KCNG4: variants seen among roughly 807,000 people sequenced by gnomAD.
The protein encoded by KCNG4 is potassium voltage-gated channel modifier subfamily G member 4.
KCNG4 carries 30 observed loss-of-function variants against 28.2 expected under a neutral mutation model. That is an observed-to-expected ratio of 1.06 (90% CI 0.80 to 1.44). The LOEUF (loss-of-function observed/expected upper bound fraction) is 1.44. Ranked by LOEUF, KCNG4 falls within the 40% of genes most tolerant of loss-of-function variation. KCNG4 has a pLI of 0.00. For missense variants in KCNG4, 879 were observed against 712.3 expected, an observed-to-expected ratio of 1.23 and a Z score of -2.66; for synonymous variants, 375 against 315.5, an observed-to-expected ratio of 1.19 and a Z score of -2.00.
At chr16:84,231,024 G>T (rs890694923) in intron 2 of KCNG4, among the ~76,000 whole-genome samples, 2 of 152,216 alleles carry the variant, frequency 1.3e-5, no homozygotes, top group Non-Finnish European at 2.9e-5. Context: ...CCCTGACTTG[G>T]CCATTGCTAT....
intron 2 of KCNG4, among the ~76,000 whole-genome samples, chr16:84,231,955 G>C (rs1251813585): frequency 5.7e-5 from 8 of 139,834 alleles, no homozygotes; most frequent in African/African-American, 1.6e-4. Context: ...AGTGAGCTGA[G>C]ATCACACCAC....
At chr16:84,233,839 G>C (rs1162481445) in intron 2 of KCNG4, among the ~76,000 whole-genome samples, 1 of 152,176 alleles carries the variant, frequency 6.6e-6, no homozygotes. Context: ...TGTAGTCATA[G>C]GGGGTCGGAT....
chr16:84,235,810 A>T (rs1398997296), intron 2 of KCNG4: 1 of 152,266 alleles, frequency 6.6e-6, no homozygotes, highest in Non-Finnish European at 1.5e-5. Flanking sequence ...GATGATGGGC[A>T]GCCCTGGGGG....
chr16:84,225,986 A>C (rs781570133), intron 2 of KCNG4, among the ~76,000 whole-genome samples: 7 of 152,242 alleles, frequency 4.6e-5, no homozygotes, highest in Admixed American at 1.3e-4. Flanking sequence ...AAAGAAAAAA[A>C]GGGGAAAGAA....
rs1397440826 is a variant in KCNG4 at position 84,230,496 on chromosome 16, C to CG, written c.756+6233dup. On this transcript the variant is annotated intron_variant, in intron 2 of 2. Coordinates refer to ENST00000308251, the MANE Select transcript of KCNG4 (RefSeq NM_172347.3). ...CTGAGGCAGGAGAATGGCGTGAACC[C>CG]GGGGGGCAGAGCTTACAGTGAGCCA... 2.0e-5 allele frequency among the ~76,000 whole-genome samples: 3 copies of CG among 151,892 alleles called. No homozygotes were observed. In the East Asian group the frequency reaches 5.8e-4, roughly 29 times the overall value.
At chr16:84,232,126 G>A (rs1904841718) in intron 2 of KCNG4, among the ~76,000 whole-genome samples, 1 of 152,134 alleles carries the variant, frequency 6.6e-6, no homozygotes, top group African/African-American at 2.4e-5. Flanking sequence ...TTGTTCCTTG[G>A]AGGTGGGGGT....
intron 2 of KCNG4, among the ~76,000 whole-genome samples, chr16:84,230,029 C>T (rs1036356816): frequency 6.6e-6 from 1 of 151,932 alleles, no homozygotes; most frequent in East Asian, 1.9e-4. Flanking sequence ...GGTGAGGAGG[C>T]AGGGAGGTGG....
chr16:84,237,459 GC>G lies in KCNG4; in HGVS notation c.26del (p.Gly9AlafsTer49), dbSNP rs764627943. MPMPSRDG[G>X]LHPRHHHYGS... Reference sequence around the variant, plus strand: ...CATAGTGGTGGTGTCTGGGATGCAGGCCCCCGTCTCTGGAAGGCATGGGCAT... The same window carrying G: ...CATAGTGGTGGTGTCTGGGATGCAGGCCCCGTCTCTGGAAGGCATGGGCAT... On this transcript the variant is annotated frameshift_variant, in exon 2 of 3. Coordinates refer to ENST00000308251, the MANE Select transcript of KCNG4 (RefSeq NM_172347.3). LOFTEE classifies it high-confidence loss of function. The G allele has an allele frequency of 2.7e-6, 4 of 1,500,412 alleles. No homozygotes were observed. Among genetic ancestry groups the G allele is most frequent in the Non-Finnish European group, 3.6e-6 (4 of 1,125,228 alleles). 92.9% of individuals were successfully genotyped at this position (1,500,412 alleles called of 1,614,324 possible).
intron 1 of KCNG4, among the ~76,000 whole-genome samples, chr16:84,238,499 C>T (rs781370473): frequency 1.3e-5 from 2 of 152,188 alleles, no homozygotes; most frequent in East Asian, 1.9e-4. Context: ...ATGTTCGTTG[C>T]GTGCTTGCCT....
chr16:84,236,868 C>G lies in KCNG4; in HGVS notation c.618G>C (p.Arg206=). 6.2e-7 allele frequency: 1 copy of G among 1,613,578 alleles called. No homozygotes were observed. The highest frequency in any genetic ancestry group is 2.2e-5 in the East Asian group (1 of 44,862). ...GCGGGTTTTCCACCATCTCGCGCAG[C>G]CGGTTCATGCACAGGCCCCAGCGCG... ...HSSRWGLCMN[R]LREMVENPQS... The change falls in exon 2 of 3, where the codon CGG becomes CGC. Residue 206 remains arginine (R), a synonymous_variant. Coordinates refer to ENST00000308251, the MANE Select transcript of KCNG4 (RefSeq NM_172347.3).
rs925760976 is a variant in KCNG4 at position 84,222,146 on chromosome 16, G to T, written c.*71C>A. On this transcript the variant is annotated 3_prime_UTR_variant, in exon 3 of 3. Transcript: ENST00000308251. ...AGAAACACCACCAGGTGGTCTATGC[G>T]GGGTACCCTTGAGTGTGTTTCAGGC... is the stretch of plus-strand genomic sequence containing the variant. 3 of 1,493,754 alleles carry T rather than the reference G, an allele frequency of 2.0e-6. No individual in the cohort carries two copies. Among genetic ancestry groups the T allele is most frequent in the South Asian group, 1.2e-5 (1 of 82,650 alleles). 92.5% of individuals were successfully genotyped at this position (1,493,754 alleles called of 1,614,324 possible). A position where few individuals can be genotyped will look rare whatever the true frequency, so the allele number is the denominator to read the frequency against.
Position 84,237,114 on chromosome 16 carries a change from C to T in KCNG4, c.372G>A (p.Val124=), listed in dbSNP as rs373169164. The T allele has an allele frequency of 8.7e-6, 14 of 1,614,068 alleles. No homozygotes were observed. The highest frequency in any genetic ancestry group is 1.7e-5 in the Admixed American group (1 of 60,006). Residue 124 remains valine (V), a synonymous_variant, in exon 2 of 3, where the codon GTG becomes GTA. Coordinates refer to ENST00000308251, the MANE Select transcript of KCNG4 (RefSeq NM_172347.3). ...DRSPSAFGVI[V]SFLAAGKLVL... is the part of the protein sequence containing the mutation. ...CCAGCTTCCCGGCCGCCAGGAAGCT[C>T]ACGATCACCCCGAAGGCGCTGGGGC...
At chr16:84,229,955 T>C (rs1218857218) in intron 2 of KCNG4, among the ~76,000 whole-genome samples, 1 of 152,166 alleles carries the variant, frequency 6.6e-6, no homozygotes, top group East Asian at 1.9e-4. Context: ...AGCTGATTCA[T>C]GGTCCGAGAA....
At chr16:84,239,024 A>G (rs1297236072) in intron 1 of KCNG4, among the ~76,000 whole-genome samples, 2 of 152,218 alleles carry the variant, frequency 1.3e-5, no homozygotes, top group African/African-American at 2.4e-5. Flanking sequence ...AGATCCTGCA[A>G]CCATTTCTTA....
At chr16:84,232,409 T>C (rs956262505) in intron 2 of KCNG4, among the ~76,000 whole-genome samples, 27 of 152,130 alleles carry the variant, frequency 1.8e-4, no homozygotes, top group Admixed American at 1.8e-3. Context: ...AGATGGGTGA[T>C]TGCCAGGGGC....
chr16:84,219,297 G>C lies in KCNG4; in HGVS notation c.*2920C>G, dbSNP rs994359397. 1.3e-5 allele frequency: 2 copies of C among 152,544 alleles called. No individual in the cohort carries two copies. Among genetic ancestry groups the C allele is most frequent in the African/African-American group, 4.8e-5 (2 of 41,482 alleles). The allele number at this position is 152,544 out of a possible 1,614,324, so 9.4% of individuals were successfully genotyped here. ...CCAACACCTGCCTGCAGCTAACTGA[G>C]GGGGAAGGGGCCTGCCCGAGGTCAC... On this transcript the variant is annotated 3_prime_UTR_variant, in exon 3 of 3. Transcript: ENST00000308251.
intron 1 of KCNG4, among the ~76,000 whole-genome samples, chr16:84,238,591 C>T (rs561172744): frequency 3.9e-5 from 6 of 152,200 alleles, no homozygotes; most frequent in Non-Finnish European, 7.3e-5. Flanking sequence ...ATGAAGGGGC[C>T]TCCAGCCGCA....
Position 84,237,481 on chromosome 16 carries a change from G to T in KCNG4, c.5C>A (p.Pro2His). ...CAGGCCCCCGTCTCTGGAAGGCATG[G>T]GCATTGCTGAAGACCACCAGGTAGG... M[P>H]MPSRDGGLHP... is the part of the protein sequence containing the mutation. Residue 2 changes from proline to histidine, a missense_variant, in exon 2 of 3, where the codon CCC becomes CAC. Pro to His is a moderately conservative substitution (Grantham distance 77). Transcript: ENST00000308251. 6.7e-7 allele frequency: 1 copy of T among 1,494,592 alleles called. No homozygotes were observed. Among genetic ancestry groups the T allele is most frequent in the Non-Finnish European group, 8.9e-7 (1 of 1,122,724 alleles). 92.6% of individuals were successfully genotyped at this position (1,494,592 alleles called of 1,614,324 possible).
rs1361758475 is a variant in KCNG4 at position 84,221,965 on chromosome 16, G to C, written c.*252C>G. The C allele has an allele frequency of 7.6e-6, 4 of 529,404 alleles. No homozygotes were observed. Among genetic ancestry groups the C allele is most frequent in the Non-Finnish European group, 1.3e-5 (4 of 298,182 alleles). 32.8% of individuals were successfully genotyped at this position (529,404 alleles called of 1,614,324 possible). A position where few individuals can be genotyped will look rare whatever the true frequency, so the allele number is the denominator to read the frequency against. On this transcript the variant is annotated 3_prime_UTR_variant, in exon 3 of 3. Transcript: ENST00000308251. ...AAAGGAGACTGAGCTACTCCAGCAA[G>C]ATTGGACATGCTCAGTAGATGGGCA...
Sources: gnomAD v4.1 joint callset for allele counts (sites outside exome capture counted in the v4.1 genomes callset) on GRCh38, gnomAD v4.1.1 for gene constraint, MANE v1.5 for transcripts, NCBI Gene and HGNC (gene_info 2026-07-23, HGNC 2026-07-21) for gene names.